The following MEGF6 variants were observed in gnomAD, a reference collection of about 807,000 sequenced individuals.
MEGF6 encodes multiple EGF like domains 6.
MEGF6 carries 184 observed loss-of-function variants against 207.1 expected under a neutral mutation model. The ratio of observed to expected loss-of-function variants is 0.89; its 90% confidence interval spans 0.79 to 1.00. MEGF6 has a LOEUF of 1.00. Ranked by LOEUF, MEGF6 falls within the 50% of genes least tolerant of loss-of-function variation. The probability of loss-of-function intolerance (pLI) is 0.00; values close to 1 mark genes in which losing one functional copy is unlikely to be tolerated. For missense variants in MEGF6, 2,282 were observed against 2,202.9 expected (o/e 1.04, Z -0.72); for synonymous variants, 1,038 against 910.0 (o/e 1.14, Z -2.53).
intron 5 of MEGF6, among the ~76,000 whole-genome samples, chr1:3,523,584 CCAAG>C (rs1296523996): frequency 1.3e-5 from 2 of 152,184 alleles, no homozygotes; most frequent in Non-Finnish European, 2.9e-5. Flanking sequence ...TCCAGGCTCC[CCAAG>C]CTGGGCAGGG....
Position 3,573,515 on chromosome 1 carries a change from G to A in MEGF6, c.481+6310C>T, listed in dbSNP as rs2101714225. On this transcript the variant is annotated intron_variant, in intron 4 of 36. Coordinates refer to ENST00000356575, the MANE Select transcript of MEGF6 (RefSeq NM_001409.4). The surrounding 1 kb of genome is among the most constrained non-coding windows in gnomAD (Gnocchi z 5.1). ...AGGACAAAGCTGAGATGCCTCCCCA[G>A]GAATCAGCCCAGGCTGGGGCTGCTG... Among the ~76,000 whole-genome samples the A allele has an allele frequency of 6.6e-6, 1 of 152,354 alleles. No individual in the cohort carries two copies. The highest frequency in any genetic ancestry group is 2.1e-4 in the South Asian group (1 of 4,830).
chr1:3,508,973 T>G (rs1029242298), intron 12 of MEGF6, 102 bp downstream of exon 12: 1 of 1,322,470 alleles, frequency 7.6e-7, no homozygotes, highest in Non-Finnish European at 1.0e-6. Context: ...CAGGGGTCCT[T>G]CCTCACGTCC....
In MEGF6 at chr1:3,498,255, C is replaced by T. The variant is rs749568653; in HGVS notation, c.3352+116G>A. On this transcript the variant is annotated intron_variant, in intron 26 of 36. Transcript: ENST00000356575. ...GACGGCAGCTCTTGCATTCACAGGA[C>T]AACAGGTCCCCTGGTGAGGCCCCAA... The T allele has an allele frequency of 2.0e-4, 256 of 1,300,150 alleles. 1 individual carries two copies. Among genetic ancestry groups the T allele is most frequent in the South Asian group, 5.2e-4 (34 of 65,236 alleles). 80.5% of individuals were successfully genotyped at this position (1,300,150 alleles called of 1,614,324 possible). A position where few individuals can be genotyped will look rare whatever the true frequency, so the allele number is the denominator to read the frequency against.
rs375110731 is a variant in MEGF6 at position 3,508,728 on chromosome 1, C to T, written c.1529-39G>A. The T allele has an allele frequency of 6.9e-6, 11 of 1,604,668 alleles. No individual in the cohort carries two copies. The Admixed American group carries it at 1.7e-4, about 25-fold the overall frequency. On this transcript the variant is annotated intron_variant, in intron 12 of 36. Coordinates refer to ENST00000356575, the MANE Select transcript of MEGF6 (RefSeq NM_001409.4). ...AGGATGGGGGGATTCAGAGCCTGAC[C>T]CCTGGCCTCAGCAGGCACAGAGGCC...
At position 3,494,136 on chromosome 1, in the gene MEGF6, C is replaced by T. The variant is rs753587794; in HGVS notation, c.4130-12G>A. On this transcript the variant is annotated splice_polypyrimidine_tract_variant and intron_variant, in intron 32 of 36. Transcript: ENST00000356575. ...GCCAGGGGGACAGGCTGAAGGACGC[C>T]GGTTACCACGAGACAAGGGCACACG... 1.6e-5 allele frequency: 24 copies of T among 1,541,246 alleles called. No homozygotes were observed. Among genetic ancestry groups the T allele is most frequent in the East Asian group, 4.6e-5 (2 of 43,842 alleles).
At chr1:3,547,967 A>G (rs1295616832) in intron 4 of MEGF6, among the ~76,000 whole-genome samples, 1 of 152,122 alleles carries the variant, frequency 6.6e-6, no homozygotes, top group Non-Finnish European at 1.5e-5. Flanking sequence ...TGACGCAGGG[A>G]CCAGGCGCCT....
At chr1:3,541,234 C>T (rs997675121) in intron 4 of MEGF6, among the ~76,000 whole-genome samples, 9 of 152,360 alleles carry the variant, frequency 5.9e-5, no homozygotes, top group African/African-American at 1.7e-4. Context: ...CGTCACAGAG[C>T]GGGGCTGCCG....
Position 3,501,105 on chromosome 1 carries a change from G to A in MEGF6, c.2447-11C>T, listed in dbSNP as rs752516099. 4 of 1,612,688 alleles carry A rather than the reference G, an allele frequency of 2.5e-6. No homozygotes were observed. In the South Asian group the frequency reaches 3.3e-5, roughly 13 times the overall value. On this transcript the variant is annotated splice_polypyrimidine_tract_variant and intron_variant, in intron 19 of 36. Transcript: ENST00000356575. ...AGCCTGCTGGGCACACTACAGGCAG[G>A]CGAGAGAGGGTGAGTGGGGCCTGGC...
intron 4 of MEGF6, among the ~76,000 whole-genome samples, chr1:3,570,026 G>A (rs541039004): frequency 1.3e-5 from 2 of 152,326 alleles, no homozygotes; most frequent in African/African-American, 4.8e-5. Flanking sequence ...ACAATTCACT[G>A]CACAAACAGG....
chr1:3,504,179 C>A (rs1038362328), intron 17 of MEGF6, among the ~76,000 whole-genome samples: 2 of 152,136 alleles, frequency 1.3e-5, no homozygotes, highest in African/African-American at 4.8e-5. Flanking sequence ...TTCTCGCTCT[C>A]TCCAGCCCAG....
At position 3,495,776 on chromosome 1, in the gene MEGF6, C is replaced by T. The variant is rs551143172; in HGVS notation, c.3871+114G>A. The T allele has an allele frequency of 3.0e-4, 404 of 1,339,742 alleles. 1 individual carries two copies. In the African/African-American group the frequency reaches 5.3e-3, roughly 17 times the overall value. The allele number at this position is 1,339,742 out of a possible 1,614,324, so 83.0% of individuals were successfully genotyped here. ...CCAGGGTCAAGTGGGGAGCTGGTGG[C>T]AGCCAGGATGTGCGGGTGTCTGGGC... On this transcript the variant is annotated intron_variant, in intron 30 of 36. Coordinates refer to ENST00000356575, the MANE Select transcript of MEGF6 (RefSeq NM_001409.4).
the MEGF6 span, among the ~76,000 whole-genome samples, chr1:3,618,121 G>A: frequency 3.9e-5 from 6 of 152,218 alleles, no homozygotes; most frequent in South Asian, 4.1e-4. This position sits in a 1 kb window ranked among gnomAD's most constrained non-coding sequence, Gnocchi z 4.7. Flanking sequence ...CCATCACCCC[G>A]GCGCCATCCC....
chr1:3,511,718 G>A (rs1220473441), intron 8 of MEGF6, 31 bp from the exon 9 acceptor site: 18 of 1,588,690 alleles, frequency 1.1e-5, no homozygotes, highest in Non-Finnish European at 1.5e-5. Context: ...CAGGGTATGG[G>A]ATGGCGGCTA....
intron 1 of MEGF6, among the ~76,000 whole-genome samples, chr1:3,604,666 C>G (rs1346244568): frequency 6.6e-6 from 1 of 152,150 alleles, no homozygotes; most frequent in Non-Finnish European, 1.5e-5. Flanking sequence ...ATTACATCAT[C>G]GAATCTCTCC....
chr1:3,584,688 G>C (rs1000011796), intron 3 of MEGF6, among the ~76,000 whole-genome samples: 2 of 152,254 alleles, frequency 1.3e-5, no homozygotes, highest in Non-Finnish European at 2.9e-5. Context: ...CCAGGGGACA[G>C]GGACGGAGCC....
intron 15 of MEGF6, 132 bp from the exon 16 acceptor site, chr1:3,505,688 C>A: frequency 8.2e-7 from 1 of 1,224,576 alleles, no homozygotes; most frequent in Non-Finnish European, 1.1e-6. Flanking sequence ...ACCTCTCCCC[C>A]TGCAGCCCAC....
intron 4 of MEGF6, chr1:3,531,203 G>A (rs1009009760): frequency 1.3e-6 from 2 of 1,503,628 alleles, no homozygotes; most frequent in South Asian, 1.3e-5. Context: ...AGGAGCCCAA[G>A]GCACCAGAGC....
chr1:3,498,708 G>A lies in MEGF6; in HGVS notation c.3213C>T (p.Ala1071=), dbSNP rs778250440. The change falls in exon 25 of 37, where the codon GCC becomes GCT. Residue 1071 remains alanine, a synonymous_variant. Coordinates refer to ENST00000356575, the MANE Select transcript of MEGF6 (RefSeq NM_001409.4). ...CCGCCCAGCGCTCACCCTTCTCACA[G>A]GCCAGGCCGGCCCAGCCCTCTGGGC... The part of the protein sequence containing the change: ...CACPEGWAGL[A]CEKECLPRDV... 20 of 1,567,892 alleles carry A rather than the reference G, an allele frequency of 1.3e-5. No individual in the cohort carries two copies. Among genetic ancestry groups the A allele is most frequent in the Non-Finnish European group, 1.7e-5 (20 of 1,159,618 alleles).
rs550448395 is a variant in MEGF6 at position 3,495,141 on chromosome 1, G to C, written c.3872-400C>G. On this transcript the variant is annotated intron_variant, in intron 30 of 36. Coordinates refer to ENST00000356575, the MANE Select transcript of MEGF6 (RefSeq NM_001409.4). ...GTGGCTGGGCTGCCGTGGGCTCAGAGGTGGCTGGCTGTAGCCCTGCTGTTA... is the reference window on the plus strand; with the variant it reads ...GTGGCTGGGCTGCCGTGGGCTCAGACGTGGCTGGCTGTAGCCCTGCTGTTA... 1.1e-3 allele frequency among the ~76,000 whole-genome samples: 162 copies of C among 152,328 alleles called. 1 individual carries two copies. The East Asian group carries it at 0.015, about 14-fold the overall frequency.
Sources: gnomAD v4.1 joint callset for allele counts (sites outside exome capture counted in the v4.1 genomes callset) on GRCh38, gnomAD v4.1.1 for gene constraint, Gnocchi (gnomAD v3.1) non-coding constraint, MANE v1.5 for transcripts, NCBI Gene and HGNC (gene_info 2026-07-23, HGNC 2026-07-21) for gene names.